The following NCALD variants were observed in gnomAD, a reference collection of about 807,000 sequenced individuals.
NCALD encodes neurocalcin-delta.
In NCALD, 10 loss-of-function variants were observed where a neutral mutation model predicts 18.6. The observed-to-expected ratio is 0.54, with a 90% CI of 0.33 to 0.91. The LOEUF is 0.91. Ranked by LOEUF, NCALD falls within the 40% of genes least tolerant of loss-of-function variation. The probability of loss-of-function intolerance (pLI) is 0.03; values close to 1 mark genes in which losing one functional copy is unlikely to be tolerated. For synonymous variants in NCALD, 88 were observed against 87.4 expected (o/e 1.01, Z -0.04); for missense variants, 184 against 247.6 (o/e 0.74, Z 1.72).
intron 1 of NCALD, among the ~76,000 whole-genome samples, chr8:101,728,453 G>C (rs957234080): frequency 3.3e-5 from 5 of 152,178 alleles, no homozygotes; most frequent in Non-Finnish European, 7.3e-5. Flanking sequence ...CAAGAATCGA[G>C]CAGCTAAAGA....
chr8:101,818,467 G>T (rs924879475), intron 4 of NCALD, among the ~76,000 whole-genome samples: 7 of 152,140 alleles, frequency 4.6e-5, no homozygotes, highest in Non-Finnish European at 7.4e-5. Context: ...ACATATTCAT[G>T]TAAGAGCTGA....
intron 2 of NCALD, among the ~76,000 whole-genome samples, chr8:101,952,554 T>C (rs1378239231): frequency 6.6e-6 from 1 of 152,182 alleles, no homozygotes; most frequent in African/African-American, 2.4e-5. Context: ...CCCAGGCCTG[T>C]TGTCCCCTGC....
intron 2 of NCALD, among the ~76,000 whole-genome samples, chr8:101,705,750 G>C (rs1056609382): frequency 9.2e-5 from 14 of 151,946 alleles, no homozygotes; most frequent in Admixed American, 2.6e-4. Flanking sequence ...ATGGAGGAGA[G>C]AGACTACACA....
chr8:101,821,020 A>T (rs573233651), intron 4 of NCALD, among the ~76,000 whole-genome samples: 1 of 152,344 alleles, frequency 6.6e-6, no homozygotes, highest in East Asian at 1.9e-4. Context: ...AAAGAGAATA[A>T]TGTCATAAAG....
intron 1 of NCALD, among the ~76,000 whole-genome samples, chr8:101,773,718 A>G (rs982315706): frequency 6.6e-6 from 1 of 152,198 alleles, no homozygotes; most frequent in Non-Finnish European, 1.5e-5. Context: ...ACTAGAGTTG[A>G]ATATTCCTTT....
chr8:101,691,508 C>G (rs1023077588), intron 3 of NCALD: 2 of 985,266 alleles, frequency 2.0e-6, no homozygotes, highest in African/African-American at 3.5e-5. Context: ...TCCTGAAGAG[C>G]TGTCTGGACC....
At chr8:101,875,408 C>T (rs1432217361) in intron 4 of NCALD, among the ~76,000 whole-genome samples, 2 of 152,184 alleles carry the variant, frequency 1.3e-5, no homozygotes, top group African/African-American at 4.8e-5. Context: ...CAAGAATAGG[C>T]CCCCTCACTG....
At chr8:102,123,340 C>T (rs72681127) in intron 1 of NCALD, among the ~76,000 whole-genome samples, 12,002 of 152,106 alleles carry the variant, frequency 0.079, 658 homozygotes, top group Non-Finnish European at 0.12. Context: ...GCACACCAGC[C>T]GCCTCGCCTG....
chr8:101,813,347 G>C (rs749323248), intron 4 of NCALD, among the ~76,000 whole-genome samples: 1 of 152,038 alleles, frequency 6.6e-6, no homozygotes, highest in Non-Finnish European at 1.5e-5. Context: ...TAGAGGAATT[G>C]AAAAGGATAC....
At chr8:102,062,239 G>T (rs1247540255) in intron 1 of NCALD, among the ~76,000 whole-genome samples, 1 of 152,222 alleles carries the variant, frequency 6.6e-6, no homozygotes, top group Non-Finnish European at 1.5e-5. Flanking sequence ...GGAGTTCAAG[G>T]TTACAGTGAG....
intron 4 of NCALD, among the ~76,000 whole-genome samples, chr8:101,796,021 G>C (rs2131047007): frequency 6.6e-6 from 1 of 152,266 alleles, no homozygotes. Context: ...GTGACAGGGA[G>C]ACCAAAATTA....
intron 3 of NCALD, among the ~76,000 whole-genome samples, chr8:101,909,153 T>C (rs538212887): frequency 2.6e-5 from 4 of 152,332 alleles, no homozygotes; most frequent in African/African-American, 7.2e-5. Flanking sequence ...AGCCCCCTCT[T>C]GTTGAGCCCA....
intron 1 of NCALD, among the ~76,000 whole-genome samples, chr8:101,789,645 A>G (rs1183413277): frequency 6.6e-6 from 1 of 152,226 alleles, no homozygotes; most frequent in Non-Finnish European, 1.5e-5. Context: ...TATGGTATTC[A>G]TATATACAGT....
At chr8:102,070,320 A>G (rs567157577) in intron 1 of NCALD, among the ~76,000 whole-genome samples, 6 of 152,186 alleles carry the variant, frequency 3.9e-5, no homozygotes, top group Non-Finnish European at 5.9e-5. Flanking sequence ...AAGTATTTGA[A>G]AAATTCAAAT....
intron 2 of NCALD, among the ~76,000 whole-genome samples, chr8:101,932,952 T>A (rs924629217): frequency 1.3e-5 from 2 of 152,230 alleles, no homozygotes; most frequent in Non-Finnish European, 2.9e-5. Context: ...CCCTTCACAT[T>A]GTTTGTTTTC....
intron 4 of NCALD, among the ~76,000 whole-genome samples, chr8:101,817,009 C>A (rs553735142): frequency 2.2e-4 from 34 of 152,208 alleles, no homozygotes; most frequent in African/African-American, 7.9e-4. Context: ...CTGCTCTCTT[C>A]ACGGCTTGCC....
chr8:101,853,053 C>G (rs1001766115), intron 4 of NCALD, among the ~76,000 whole-genome samples: 1 of 152,132 alleles, frequency 6.6e-6, no homozygotes, highest in Non-Finnish European at 1.5e-5. Context: ...CTGCCCATGT[C>G]CAAACCCTGG....
At chr8:102,115,657 A>T (rs745445220) in intron 1 of NCALD, among the ~76,000 whole-genome samples, 1 of 152,190 alleles carries the variant, frequency 6.6e-6, no homozygotes, top group Non-Finnish European at 1.5e-5. Flanking sequence ...AGACGTGCGG[A>T]TGGGTCAATG....
intron 4 of NCALD, among the ~76,000 whole-genome samples, chr8:101,840,276 T>G (rs1305371322): frequency 1.3e-5 from 2 of 152,198 alleles, no homozygotes; most frequent in African/African-American, 4.8e-5. Flanking sequence ...GAAATGTATG[T>G]GCACACACAG....
Sources: gnomAD v4.1 joint callset for allele counts (sites outside exome capture counted in the v4.1 genomes callset) on GRCh38, gnomAD v4.1.1 for gene constraint, MANE v1.5 for transcripts, NCBI Gene and HGNC (gene_info 2026-07-23, HGNC 2026-07-21) for gene names.